SELP: variants seen among roughly 807,000 people sequenced by gnomAD.
The protein encoded by SELP is selectin P.
In SELP, 92 loss-of-function variants were observed where a neutral mutation model predicts 104.1. That is an observed-to-expected ratio of 0.88 (90% CI 0.75 to 1.05). SELP has a LOEUF of 1.05. Ranked by LOEUF, SELP falls within the 50% of genes least tolerant of loss-of-function variation. The pLI, the probability that SELP is intolerant of heterozygous loss-of-function variation, is 0.00. For missense variants in SELP, 1,022 were observed against 1,017.3 expected (o/e 1.00, Z -0.06); for synonymous variants, 397 against 364.5 (o/e 1.09, Z -1.01).
rs550682032 is a variant in SELP, at chr1:169,615,325, A to G, written c.482-1632T>C. 2.0e-5 allele frequency among the ~76,000 whole-genome samples: 3 copies of G among 152,320 alleles called. No individual in the cohort carries two copies. In the East Asian group the frequency reaches 5.8e-4, roughly 29 times the overall value. Reference sequence around the variant, plus strand: ...ATCAATGGTAGTGGCTGCTTAGAGTACTGTGTTGGTGGAGATAAAACCCAT... The same window carrying G: ...ATCAATGGTAGTGGCTGCTTAGAGTGCTGTGTTGGTGGAGATAAAACCCAT... On this transcript the variant is annotated intron_variant, in intron 3 of 16. Coordinates refer to ENST00000263686, the MANE Select transcript of SELP (RefSeq NM_003005.4).
Position 169,594,778 on chromosome 1 carries a change from C to A in SELP, c.2201G>T (p.Cys734Phe). 1 of 1,613,874 alleles carries A rather than the reference C, an allele frequency of 6.2e-7. No individual in the cohort carries two copies. The highest frequency in any genetic ancestry group is 8.5e-7 in the Non-Finnish European group (1 of 1,179,840). The stretch of plus-strand genomic sequence containing the variant: ...GCCATTAAGTAACTGGCCCTCTAGA[C>A]AATGGAAAGAGCAGATTGATCCATA... ...FSYGSICSFH[C>F]LEGQLLNGSA... Residue 734 changes from cysteine to phenylalanine, a missense_variant, in exon 13 of 17, where the codon TGT (cysteine) becomes TTT (phenylalanine). Physicochemically the swap from Cys to Phe is radical, Grantham distance 205. Coordinates refer to ENST00000263686, the MANE Select transcript of SELP (RefSeq NM_003005.4).
In SELP at chr1:169,617,321, C is replaced by A. The variant is rs377248328; in HGVS notation, c.188G>T (p.Arg63Leu). ...CTGGATGGCCACTAAGTCTGTGTAG[C>A]GATTCTGGCAGTATTTACGGGAAAT... The part of the protein sequence containing the change: ...WNISRKYCQN[R>L]YTDLVAIQNK... Residue 63 changes from arginine to leucine, a missense_variant, in exon 3 of 17, where the codon CGC becomes CTC. Transcript: ENST00000263686. 12 of 1,614,020 alleles carry A rather than the reference C, an allele frequency of 7.4e-6. No homozygotes were observed. Among genetic ancestry groups the A allele is most frequent in the Non-Finnish European group, 9.3e-6 (11 of 1,179,994 alleles).
At position 169,609,550 on chromosome 1, in the gene SELP, C is replaced by A; in HGVS notation, c.1287G>T (p.Arg429=). Residue 429 remains arginine, a synonymous_variant, in exon 8 of 17, where the codon CGG becomes CGT. Transcript: ENST00000263686. ...CTGTCCACTGTCCCAAGTTATCACA[C>A]CGAACTATATCGGCTCCTCTCAGCA... ...GFMLRGADIV[R]CDNLGQWTAP... The A allele has an allele frequency of 6.2e-7, 1 of 1,614,038 alleles. No homozygotes were observed. Among genetic ancestry groups the A allele is most frequent in the Non-Finnish European group, 8.5e-7 (1 of 1,179,990 alleles).
At chr1:169,591,052 G>A (rs570888162) in intron 15 of SELP, among the ~76,000 whole-genome samples, 76 of 152,242 alleles carry the variant, frequency 5.0e-4, no homozygotes, top group Middle Eastern at 3.4e-3. Flanking sequence ...AATTAGGCTG[G>A]TGTTGGCCAC....
rs1661586083 is a variant in SELP, at chr1:169,595,989, T to G, written c.2037A>C (p.Ile679=). ...YFGCNAGFTL[I]GDSTLSCRPS... ...GTCTGCAGCTGAGAGTGCTGTCTCCTATGAGTGTGAATCCAGCGTTGCAGC... is the reference window on the plus strand; with the variant it reads ...GTCTGCAGCTGAGAGTGCTGTCTCCGATGAGTGTGAATCCAGCGTTGCAGC... The change falls in exon 12 of 17, where the codon ATA becomes ATC. Residue 679 remains isoleucine (I), a synonymous_variant. Transcript: ENST00000263686. 1.2e-6 allele frequency: 2 copies of G among 1,613,922 alleles called. No homozygotes were observed. Among genetic ancestry groups the G allele is most frequent in the African/African-American group, 2.7e-5 (2 of 75,012 alleles).
At chr1:169,599,652 T>C (rs576245102) in intron 10 of SELP, among the ~76,000 whole-genome samples, 1 of 152,336 alleles carries the variant, frequency 6.6e-6, no homozygotes, top group South Asian at 2.1e-4. Flanking sequence ...AAAGAAGATA[T>C]AGTATGAATA....
intron 9 of SELP, among the ~76,000 whole-genome samples, chr1:169,605,674 G>A (rs947705926): frequency 6.6e-6 from 1 of 152,102 alleles, no homozygotes; most frequent in Admixed American, 6.5e-5. Flanking sequence ...TGTTAAAATT[G>A]TATATACATC....
In SELP at chr1:169,609,541, G is replaced by C. The variant is rs1320049222; in HGVS notation, c.1296C>G (p.Asn432Lys). 6.2e-7 allele frequency: 1 copy of C among 1,613,756 alleles called. No homozygotes were observed. Among genetic ancestry groups the C allele is most frequent in the Non-Finnish European group, 8.5e-7 (1 of 1,179,872 alleles). Residue 432 changes from asparagine (N) to lysine (K), a missense_variant, in exon 8 of 17, where the codon AAC becomes AAG. Asn to Lys is a moderately conservative substitution (Grantham distance 94, BLOSUM62 0). Transcript: ENST00000263686. ...GGGCTGGTGCTGTCCACTGTCCCAAGTTATCACACCGAACTATATCGGCTC... is the reference window on the plus strand; with the variant it reads ...GGGCTGGTGCTGTCCACTGTCCCAACTTATCACACCGAACTATATCGGCTC... Reference protein sequence around the residue: ...LRGADIVRCDNLGQWTAPAPV... With the variant: ...LRGADIVRCDKLGQWTAPAPV...
intron 3 of SELP, among the ~76,000 whole-genome samples, chr1:169,615,126 A>G (rs958581347): frequency 1.3e-5 from 2 of 152,220 alleles, no homozygotes; most frequent in South Asian, 4.1e-4. Context: ...TGATGATTCA[A>G]TGAATAAATC....
chr1:169,616,963 GCCA>G, intron 3 of SELP, 62 bp downstream of exon 3: 1 of 1,360,526 alleles, frequency 7.4e-7, no homozygotes, highest in Non-Finnish European at 9.5e-7. Context: ...GGTTATGTTG[GCCA>G]ACCAGAGAAG....
intron 9 of SELP, among the ~76,000 whole-genome samples, chr1:169,604,710 G>A (rs1385641245): frequency 6.6e-6 from 1 of 152,064 alleles, no homozygotes. Flanking sequence ...GTGTATGTGG[G>A]GCTGGAGAGG....
intron 8 of SELP, among the ~76,000 whole-genome samples, chr1:169,608,628 G>C (rs928311940): frequency 6.6e-6 from 1 of 152,054 alleles, no homozygotes; most frequent in Non-Finnish European, 1.5e-5. Context: ...GGGTGTTTGG[G>C]TTGCTTCCAC....
intron 2 of SELP, among the ~76,000 whole-genome samples, chr1:169,618,318 A>G (rs990621931): frequency 2.0e-5 from 3 of 152,112 alleles, no homozygotes; most frequent in Non-Finnish European, 4.4e-5. Flanking sequence ...TCTTTCATTA[A>G]CTACTCTACT....
In SELP at chr1:169,612,956, A is replaced by G. The variant is rs1178379436; in HGVS notation, c.748T>C (p.Trp250Arg). Residue 250 changes from tryptophan (W) to arginine (R), a missense_variant, in exon 5 of 17, where the codon TGG becomes CGG. Transcript: ENST00000263686. ...SKLECLASGI[W>R]TNKPPQCLAA... ...AAACACTGTGGAGGCTTATTTGTCCAGATTCCAGAAGCCAAGCATTCCAGC... is the reference window on the plus strand; with the variant it reads ...AAACACTGTGGAGGCTTATTTGTCCGGATTCCAGAAGCCAAGCATTCCAGC... 6.2e-7 allele frequency: 1 copy of G among 1,612,744 alleles called. No individual in the cohort carries two copies. The highest frequency in any genetic ancestry group is 2.2e-5 in the East Asian group (1 of 44,852).
At chr1:169,595,717 T>C (rs1038588676) in intron 12 of SELP, among the ~76,000 whole-genome samples, 7 of 152,210 alleles carry the variant, frequency 4.6e-5, no homozygotes, top group African/African-American at 7.2e-5. Flanking sequence ...AGTACTTGTG[T>C]ATTAGCTTTA....
chr1:169,603,854 T>G (rs1330985087), intron 9 of SELP, among the ~76,000 whole-genome samples: 1 of 152,238 alleles, frequency 6.6e-6, no homozygotes, highest in Non-Finnish European at 1.5e-5. Flanking sequence ...CCATCATTGT[T>G]GGACATTTGG....
chr1:169,596,984 T>A lies in SELP; in HGVS notation c.1891+7A>T. 1 of 1,608,054 alleles carries A rather than the reference T, an allele frequency of 6.2e-7. No homozygotes were observed. Among genetic ancestry groups the A allele is most frequent in the East Asian group, 2.2e-5 (1 of 44,836 alleles). ...GTAGAACTGTCTTAGCAAGTACATA[T>A]TATTACCTTTGCAGGTTGGTGGAGT... On this transcript the variant is annotated splice_region_variant and intron_variant, in intron 11 of 16. Coordinates refer to ENST00000263686, the MANE Select transcript of SELP (RefSeq NM_003005.4).
At chr1:169,621,390 A>G (rs1663127150) in intron 1 of SELP, among the ~76,000 whole-genome samples, 1 of 135,394 alleles carries the variant, frequency 7.4e-6, no homozygotes, top group Non-Finnish European at 1.5e-5. Flanking sequence ...TGTCACACCC[A>G]GTGATGGATG....
At position 169,603,531 on chromosome 1, in the gene SELP, G is replaced by A. The variant is rs377035341; in HGVS notation, c.1520-320C>T. Reference sequence around the variant, plus strand: ...TAAAGGAAGCTGGTGCTCTGTTTGGGAGGATAGTGGTGCAACTCATTTTTG... The same window carrying A: ...TAAAGGAAGCTGGTGCTCTGTTTGGAAGGATAGTGGTGCAACTCATTTTTG... On this transcript the variant is annotated intron_variant, in intron 9 of 16. Coordinates refer to ENST00000263686, the MANE Select transcript of SELP (RefSeq NM_003005.4). 1.8e-4 allele frequency among the ~76,000 whole-genome samples: 28 copies of A among 152,270 alleles called. No individual in the cohort carries two copies. The South Asian group carries it at 5.4e-3, about 29-fold the overall frequency.
Sources: gnomAD v4.1 joint callset for allele counts (sites outside exome capture counted in the v4.1 genomes callset) on GRCh38, gnomAD v4.1.1 for gene constraint, MANE v1.5 for transcripts, NCBI Gene and HGNC (gene_info 2026-07-23, HGNC 2026-07-21) for gene names.